The following NAA40 variants were observed in gnomAD, a reference collection of about 807,000 sequenced individuals.
NAA40 encodes the protein N-alpha-acetyltransferase 40, NatD catalytic subunit.
NAA40 carries 26 observed loss-of-function variants against 36.6 expected under a neutral mutation model. The ratio of observed to expected loss-of-function variants is 0.71; its 90% CI spans 0.52 to 0.98. The LOEUF (loss-of-function observed/expected upper bound fraction) is 0.98, where lower values mean the gene tolerates loss of function less well. NAA40 is among the 50% of genes least tolerant of loss of function. The probability of loss-of-function intolerance (pLI) is 0.00; values close to 1 mark genes in which losing one functional copy is unlikely to be tolerated. For missense variants in NAA40, 237 were observed against 306.5 expected, an observed-to-expected ratio of 0.77 and a Z score of 1.69; for synonymous variants, 129 against 108.4, an observed-to-expected ratio of 1.19 and a Z score of -1.18.
intron 1 of NAA40, among the ~76,000 whole-genome samples, chr11:63,941,696 G>T (rs185160153): frequency 6.6e-6 from 1 of 152,216 alleles, no homozygotes; most frequent in African/African-American, 2.4e-5. Context: ...GGAATTACAG[G>T]TATTAACCAT....
chr11:63,942,203 ACT>A (rs1465141383), intron 1 of NAA40, among the ~76,000 whole-genome samples: 4 of 151,508 alleles, frequency 2.6e-5, no homozygotes, highest in African/African-American at 9.7e-5. Context: ...CGCTTTGAGA[ACT>A]CTCCTCACCG....
chr11:63,952,575 A>G lies in NAA40; in HGVS notation c.410+10A>G. ...ATGAAGTCCTGTACTGGTAGGAGCC[A>G]TGGCTTGGGGGAGGTAGGGGAGAGA... On this transcript the variant is annotated intron_variant, in intron 5 of 7. Coordinates refer to ENST00000377793, the MANE Select transcript of NAA40 (RefSeq NM_024771.4). The G allele has an allele frequency of 3.1e-6, 5 of 1,612,850 alleles. No individual in the cohort carries two copies. Among genetic ancestry groups the G allele is most frequent in the Non-Finnish European group, 4.2e-6 (5 of 1,178,936 alleles).
chr11:63,952,638 A>G, intron 5 of NAA40, 73 bp downstream of exon 5: 2 of 1,603,720 alleles, frequency 1.2e-6, no homozygotes, highest in Non-Finnish European at 1.7e-6. Context: ...GCCAGGTGAC[A>G]AAGCCCCTGG....
chr11:63,939,923 T>C (rs944839299), intron 1 of NAA40, among the ~76,000 whole-genome samples: 11 of 151,962 alleles, frequency 7.2e-5, no homozygotes, highest in African/African-American at 2.7e-4. Flanking sequence ...TCCCGGGATA[T>C]AGGGTAGGGC....
rs1447416600 is a variant in NAA40 at position 63,952,218 on chromosome 11, ACG to A, written c.156-19_156-18del. The A allele has an allele frequency of 7.0e-6, 11 of 1,582,542 alleles. No individual in the cohort carries two copies. Among genetic ancestry groups the A allele is most frequent in the Non-Finnish European group, 9.5e-6 (11 of 1,158,402 alleles). On this transcript the variant is annotated intron_variant, in intron 3 of 7. Transcript: ENST00000377793. ...AGGAGTGCTGTAACCAATTCCGTAC[ACG>A]TCCTGTCCTCTTCTCAGGTTGAATG...
intron 1 of NAA40, chr11:63,939,354 C>T: frequency 8.0e-7 from 1 of 1,255,558 alleles, no homozygotes; most frequent in Non-Finnish European, 1.0e-6. Flanking sequence ...CCCCTTCCTG[C>T]TTCGCGGACC....
intron 3 of NAA40, among the ~76,000 whole-genome samples, chr11:63,947,774 T>C (rs1942212670): frequency 7.2e-6 from 1 of 139,126 alleles, no homozygotes; most frequent in African/African-American, 2.6e-5. Context: ...TCGTTCAGGC[T>C]GGAGTGCAGT....
chr11:63,955,809 G>A lies in NAA40; in HGVS notation c.*1330G>A, dbSNP rs1386346. ...TAGGCCTTGTTCCTCTTCCAGGGAA[G>A]AAAAGCCAAATCCTTATCAAGGAAA... On this transcript the variant is annotated 3_prime_UTR_variant, in exon 8 of 8. Transcript: ENST00000377793. 77,882 of 152,264 alleles carry A rather than the reference G, an allele frequency of 0.51. 21,631 individuals are homozygous for A. Among genetic ancestry groups the A allele is most frequent in the East Asian group, 0.87 (4,499 of 5,184 alleles). The allele number at this position is 152,264 out of a possible 1,614,324, so 9.4% of individuals were successfully genotyped here. A position where few individuals can be genotyped will look rare whatever the true frequency, so the allele number is the denominator to read the frequency against.
Position 63,954,582 on chromosome 11 carries a change from C to T in NAA40, c.*103C>T. The T allele has an allele frequency of 1.5e-6, 2 of 1,353,432 alleles. No homozygotes were observed. Among genetic ancestry groups the T allele is most frequent in the Non-Finnish European group, 2.0e-6 (2 of 1,018,498 alleles). The allele number at this position is 1,353,432 out of a possible 1,614,324, so 83.8% of individuals were successfully genotyped here. ...GTCCTCAGAGCTGTGGCCTCCCCAGCCCTGCACGTGCCAGGCTGCGCCCTG... is the reference window on the plus strand; with the variant it reads ...GTCCTCAGAGCTGTGGCCTCCCCAGTCCTGCACGTGCCAGGCTGCGCCCTG... On this transcript the variant is annotated 3_prime_UTR_variant, in exon 8 of 8. Transcript: ENST00000377793.
rs778440778 is a variant in NAA40, at chr11:63,954,372, G to A, written c.607G>A (p.Gly203Ser). Residue 203 changes from glycine (G) to serine (S), a missense_variant, in exon 8 of 8, where the codon GGT (glycine) becomes AGT (serine). Physicochemically the swap from Gly to Ser is moderately conservative, Grantham distance 56. Transcript: ENST00000377793. ...TGATGACTCTTCCCCCAGCATGTCC[G>A]GTTGCTGTGGGGAGGATTGCTCCTA... ...EIDDSSPSMS[G>S]CCGEDCSYEI... 5.6e-6 allele frequency: 9 copies of A among 1,608,134 alleles called. No homozygotes were observed. Among genetic ancestry groups the A allele is most frequent in the South Asian group, 2.2e-5 (2 of 90,258 alleles).
rs780746195 is a variant in NAA40 at position 63,946,947 on chromosome 11, A to C, written c.103-4A>C. 3 of 1,613,928 alleles carry C rather than the reference A, an allele frequency of 1.9e-6. No homozygotes were observed. Among genetic ancestry groups the C allele is most frequent in the Middle Eastern group, 1.6e-4 (1 of 6,062 alleles). ...TGCTGTTCCTCTTTTCTTTCCCTCCACAGCTTGGAGACCCTCTGGAGGCTT... is the reference window on the plus strand; with the variant it reads ...TGCTGTTCCTCTTTTCTTTCCCTCCCCAGCTTGGAGACCCTCTGGAGGCTT... On this transcript the variant is annotated splice_region_variant and splice_polypyrimidine_tract_variant and intron_variant, in intron 2 of 7. Transcript: ENST00000377793.
At chr11:63,952,106 A>G (rs1242324241) in intron 3 of NAA40, 132 bp from the exon 4 acceptor site, 5 of 652,792 alleles carry the variant, frequency 7.7e-6, no homozygotes, top group Non-Finnish European at 1.3e-5. Context: ...ATGCTGGGGC[A>G]GATACAGGGT....
chr11:63,946,010 C>A (rs1942180284), intron 2 of NAA40, 75 bp downstream of exon 2: 2 of 1,353,552 alleles, frequency 1.5e-6, no homozygotes, highest in Admixed American at 3.6e-5. Flanking sequence ...ATTTTGTCTC[C>A]ACCCTGTGGC....
At chr11:63,951,334 TTCACCCG>T (rs1942275710) in intron 3 of NAA40, among the ~76,000 whole-genome samples, 1 of 152,180 alleles carries the variant, frequency 6.6e-6, no homozygotes, top group African/African-American at 2.4e-5. Context: ...TGAAGCCTGC[TTCACCCG>T]GTTTTTTTTT....
intron 1 of NAA40, among the ~76,000 whole-genome samples, chr11:63,945,211 G>T (rs1292975319): frequency 1.3e-5 from 2 of 152,122 alleles, no homozygotes; most frequent in South Asian, 2.1e-4. Flanking sequence ...AACCCTTTGG[G>T]CCCCTGCCCT....
chr11:63,941,885 C>T (rs138425350), intron 1 of NAA40, among the ~76,000 whole-genome samples: 2 of 152,016 alleles, frequency 1.3e-5, no homozygotes, highest in Admixed American at 1.3e-4. Context: ...GTCTTTATGA[C>T]CCCTTCCAGT....
rs373742192 is a variant in NAA40 at position 63,945,888 on chromosome 11, C to T, written c.55C>T (p.Arg19Ter). 11 of 1,614,034 alleles carry T rather than the reference C, an allele frequency of 6.8e-6. No homozygotes were observed. Among genetic ancestry groups the T allele is most frequent in the Non-Finnish European group, 9.3e-6 (11 of 1,180,028 alleles). Residue 19 changes from arginine (R) to a stop codon, truncating the protein, a stop_gained, in exon 2 of 8, where the codon CGA (arginine) becomes TGA (stop). Transcript: ENST00000377793. LOFTEE classifies it high-confidence loss of function. ...KEKKQKRLEE[R>*]AAMDAVCAKV... ...GAAGAAGCAGAAGCGGTTGGAGGAG[C>T]GAGCAGCCATGGATGCCGTTTGTGC... is the stretch of plus-strand genomic sequence containing the variant.
rs763492521 is a variant in NAA40, at chr11:63,946,758, A to AC, written c.103-191dup. The stretch of plus-strand genomic sequence containing the variant: ...AAACTTAACTCTCCTGGGCCTTTCC[A>AC]CCAAAGCCTTCCTCGCACATGTGAC... On this transcript the variant is annotated intron_variant, in intron 2 of 7. Coordinates refer to ENST00000377793, the MANE Select transcript of NAA40 (RefSeq NM_024771.4). 4.6e-6 allele frequency: 7 copies of AC among 1,533,376 alleles called. No individual in the cohort carries two copies. In the South Asian group the frequency reaches 8.4e-5, roughly 18 times the overall value. The allele number at this position is 1,533,376 out of a possible 1,614,324, so 95.0% of individuals were successfully genotyped here.
intron 1 of NAA40, chr11:63,939,476 G>A: frequency 2.9e-6 from 3 of 1,041,592 alleles, no homozygotes; most frequent in Non-Finnish European, 2.3e-6. Flanking sequence ...TTTCACATCC[G>A]AGGTCAACCC....
Sources: gnomAD v4.1 joint callset for allele counts (sites outside exome capture counted in the v4.1 genomes callset) on GRCh38, gnomAD v4.1.1 for gene constraint, MANE v1.5 for transcripts, NCBI Gene and HGNC (gene_info 2026-07-23, HGNC 2026-07-21) for gene names.